Variants in EHBP1 observed in about 807,000 individuals in gnomAD.
EHBP1 encodes the protein EH domain-binding protein 1.
EHBP1 carries 55 observed loss-of-function variants against 144.0 expected under a neutral mutation model. The observed-to-expected ratio is 0.38, with a 90% CI of 0.31 to 0.48. EHBP1 has a LOEUF of 0.48. Ranked by LOEUF, EHBP1 falls within the 20% of genes least tolerant of loss-of-function variation. The pLI, the probability that EHBP1 is intolerant of heterozygous loss-of-function variation, is 0.98. For missense variants in EHBP1, 1,200 were observed against 1,364.2 expected, an observed-to-expected ratio of 0.88 and a Z score of 1.90; for synonymous variants, 469 against 472.7, an observed-to-expected ratio of 0.99 and a Z score of 0.10.
chr2:62,938,335 T>C (rs2056523031), intron 10 of EHBP1, among the ~76,000 whole-genome samples: 4 of 152,174 alleles, frequency 2.6e-5, no homozygotes, highest in Admixed American at 2.0e-4. Flanking sequence ...TGGAAAACTA[T>C]TTAGAGCAAT....
chr2:62,877,787 A>G (rs2051018992), intron 10 of EHBP1, among the ~76,000 whole-genome samples: 1 of 152,236 alleles, frequency 6.6e-6, no homozygotes. Context: ...AACAAATGAA[A>G]ACAAAAATAC....
intron 7 of EHBP1, among the ~76,000 whole-genome samples, chr2:62,848,774 G>A (rs1313660779): frequency 2.0e-5 from 3 of 152,210 alleles, no homozygotes; most frequent in Non-Finnish European, 2.9e-5. Flanking sequence ...ACTGGGGATT[G>A]ACTGAAAAGA....
intron 10 of EHBP1, among the ~76,000 whole-genome samples, chr2:62,876,451 G>A (rs529007197): frequency 3.3e-5 from 5 of 152,174 alleles, no homozygotes; most frequent in Admixed American, 2.0e-4. Flanking sequence ...GTTATCACCA[G>A]ACCTGCCTTA....
intron 10 of EHBP1, among the ~76,000 whole-genome samples, chr2:62,912,989 A>AAGCTGTACACTCTCTGATGAGGAGGGAAG (rs2054341980): frequency 6.6e-6 from 1 of 152,148 alleles, no homozygotes; most frequent in Non-Finnish European, 1.5e-5. Context: ...ACAAAGCCTC[A>AAGCTGTACACTCTCTGATGAGGAGGGAAG]AGCTGTACAC....
At chr2:62,883,393 A>G (rs1573887955) in intron 10 of EHBP1, among the ~76,000 whole-genome samples, 1 of 152,204 alleles carries the variant, frequency 6.6e-6, no homozygotes, top group Non-Finnish European at 1.5e-5. Flanking sequence ...GTTTATGGGA[A>G]AGACTGAGAA....
intron 10 of EHBP1, among the ~76,000 whole-genome samples, chr2:62,880,417 A>C (rs2051304666): frequency 6.6e-6 from 1 of 152,022 alleles, no homozygotes; most frequent in African/African-American, 2.4e-5. Context: ...CAAAAAAGAA[A>C]GAAACAAAAA....
intron 5 of EHBP1, 168 bp downstream of exon 5, chr2:62,771,560 A>G: frequency 3.8e-6 from 2 of 520,968 alleles, no homozygotes; most frequent in Non-Finnish European, 6.7e-6. Flanking sequence ...TAACAAAATT[A>G]TTTGTAAGAA....
chr2:62,986,260 C>G (rs1250031752), intron 15 of EHBP1, among the ~76,000 whole-genome samples: 1 of 152,074 alleles, frequency 6.6e-6, no homozygotes, highest in African/African-American at 2.4e-5. Flanking sequence ...TGAAATGAGT[C>G]AAATAGTTGA....
chr2:62,797,029 T>C (rs187225342), intron 5 of EHBP1, among the ~76,000 whole-genome samples: 1 of 152,328 alleles, frequency 6.6e-6, no homozygotes, highest in East Asian at 1.9e-4. Context: ...GATCCTATTC[T>C]GTTGTTATAA....
rs145268181 is a variant in EHBP1, at chr2:62,886,441, T to C, written c.1185+11909T>C. Among the ~76,000 whole-genome samples, 72 of 152,322 alleles carry C rather than the reference T, an allele frequency of 4.7e-4. 1 individual carries two copies. The highest frequency in any genetic ancestry group is 1.5e-3 in the African/African-American group (64 of 41,586). On this transcript the variant is annotated intron_variant, in intron 10 of 22. Transcript: ENST00000431489. ...TTACCTGTAAATTTTTTACTTACTG[T>C]CATACCCTGTTCCTCAATACTACTG... is the stretch of plus-strand genomic sequence containing the variant.
intron 5 of EHBP1, among the ~76,000 whole-genome samples, chr2:62,824,172 TAAAC>T (rs780354208): frequency 6.6e-6 from 1 of 152,036 alleles, no homozygotes; most frequent in Non-Finnish European, 1.5e-5. Context: ...GAAGCATTCT[TAAAC>T]TAAGTTTTCA....
intron 13 of EHBP1, among the ~76,000 whole-genome samples, chr2:62,953,904 A>G (rs1400588022): frequency 6.6e-6 from 1 of 152,230 alleles, no homozygotes; most frequent in Non-Finnish European, 1.5e-5. Flanking sequence ...AAAAGACTAT[A>G]AAATCACAGA....
intron 10 of EHBP1, among the ~76,000 whole-genome samples, chr2:62,892,737 C>T (rs935549747): frequency 1.5e-4 from 23 of 151,930 alleles, no homozygotes; most frequent in African/African-American, 5.6e-4. Context: ...TTTATTTGCT[C>T]CCTCCCACCC....
intron 5 of EHBP1, among the ~76,000 whole-genome samples, chr2:62,816,698 A>G (rs1433367743): frequency 6.6e-6 from 1 of 152,186 alleles, no homozygotes; most frequent in Non-Finnish European, 1.5e-5. Context: ...GGATTTAGCT[A>G]GTTTAAGACG....
intron 12 of EHBP1, 49 bp from the exon 13 acceptor site, chr2:62,948,211 G>A: frequency 7.0e-7 from 1 of 1,431,440 alleles, no homozygotes; most frequent in Admixed American, 2.4e-5. Flanking sequence ...TAAAATGTGT[G>A]AATTATATGA....
chr2:63,017,708 TA>T (rs1194455141), intron 19 of EHBP1, among the ~76,000 whole-genome samples: 1 of 152,058 alleles, frequency 6.6e-6, no homozygotes, highest in African/African-American at 2.4e-5. Flanking sequence ...CATCAAGCAC[TA>T]AAAAAAGGTA....
At chr2:62,887,573 C>CAA (rs1374767886) in intron 10 of EHBP1, among the ~76,000 whole-genome samples, 48 of 53,116 alleles carry the variant, frequency 9.0e-4, no homozygotes, top group Middle Eastern at 0.012. Context: ...TAGGTCTCCA[C>CAA]AAAAAAAAAA....
At chr2:62,996,809 G>A (rs1176671104) in intron 19 of EHBP1, 43 bp downstream of exon 19, 1 of 1,599,080 alleles carries the variant, frequency 6.3e-7, no homozygotes, top group Non-Finnish European at 8.5e-7. Context: ...GGCAAATTGA[G>A]CGTTCACAAA....
intron 10 of EHBP1, among the ~76,000 whole-genome samples, chr2:62,886,504 T>C (rs2051940263): frequency 6.7e-6 from 1 of 149,288 alleles, no homozygotes; most frequent in Admixed American, 6.6e-5. Context: ...AGCTGTTCTA[T>C]TGGTTAGTAT....
Sources: gnomAD v4.1 joint callset for allele counts (sites outside exome capture counted in the v4.1 genomes callset) on GRCh38, gnomAD v4.1.1 for gene constraint, MANE v1.5 for transcripts, NCBI Gene and HGNC (gene_info 2026-07-23, HGNC 2026-07-21) for gene names.